Variants in MACROD2 observed in about 807,000 individuals in gnomAD.
MACROD2 encodes mono-ADP ribosylhydrolase 2.
A neutral mutation model predicts 70.4 loss-of-function variants in MACROD2; 36 were observed. The ratio of observed to expected loss-of-function variants is 0.51; its 90% CI spans 0.39 to 0.68. The LOEUF (loss-of-function observed/expected upper bound fraction) is 0.68. MACROD2 is among the 30% of genes least tolerant of loss of function. The probability of loss-of-function intolerance (pLI) is 0.00; values close to 1 mark genes in which losing one functional copy is unlikely to be tolerated. For missense variants in MACROD2, 496 were observed against 538.4 expected (o/e 0.92, Z 0.78); for synonymous variants, 172 against 178.8 (o/e 0.96, Z 0.30).
chr20:15,170,075 T>C (rs933516556), intron 5 of MACROD2, among the ~76,000 whole-genome samples: 1 of 152,236 alleles, frequency 6.6e-6, no homozygotes, highest in African/African-American at 2.4e-5. Context: ...CAGTAGTTAA[T>C]AGAATTGGAA....
chr20:14,923,400 A>T (rs2074187538), intron 5 of MACROD2, among the ~76,000 whole-genome samples: 1 of 152,176 alleles, frequency 6.6e-6, no homozygotes, highest in South Asian at 2.1e-4. Context: ...GATTTCTAGT[A>T]AACATCTAAA....
intron 3 of MACROD2, among the ~76,000 whole-genome samples, chr20:14,433,332 T>C (rs2084017300): frequency 6.6e-6 from 1 of 152,160 alleles, no homozygotes; most frequent in African/African-American, 2.4e-5. Flanking sequence ...AATAGGAATG[T>C]TTCAGATGAT....
intron 8 of MACROD2, among the ~76,000 whole-genome samples, chr20:15,529,677 G>A (rs994425047): frequency 2.6e-5 from 4 of 152,128 alleles, no homozygotes; most frequent in African/African-American, 9.7e-5. Context: ...TTACGTATAT[G>A]TTGTATAACC....
At chr20:15,204,836 A>G (rs2076687795) in intron 5 of MACROD2, among the ~76,000 whole-genome samples, 1 of 152,144 alleles carries the variant, frequency 6.6e-6, no homozygotes, top group African/African-American at 2.4e-5. Flanking sequence ...AAAGAAAGAA[A>G]AAGATTCCAC....
At position 15,708,667 on chromosome 20, in the gene MACROD2, G is replaced by A. The variant is rs993688060; in HGVS notation, c.646-154078G>A. ...GCAGTAGGATTGCTTAAGGCCAGGAGTTCAAGACCAGTCTGGGCACAATAT... is the reference window on the plus strand; with the variant it reads ...GCAGTAGGATTGCTTAAGGCCAGGAATTCAAGACCAGTCTGGGCACAATAT... On this transcript the variant is annotated intron_variant, in intron 8 of 17. Transcript: ENST00000684519. 3.0e-4 allele frequency among the ~76,000 whole-genome samples: 43 copies of A among 141,020 alleles called. 1 individual carries two copies. Among genetic ancestry groups the A allele is most frequent in the Admixed American group, 2.7e-3 (38 of 14,130 alleles). The allele number at this position is 141,020 out of a possible 152,430, so 92.5% of individuals were successfully genotyped here. A position where few individuals can be genotyped will look rare whatever the true frequency, so the allele number is the denominator to read the frequency against.
At chr20:14,992,423 A>G (rs556166691) in intron 5 of MACROD2, among the ~76,000 whole-genome samples, 1 of 152,184 alleles carries the variant, frequency 6.6e-6, no homozygotes, top group African/African-American at 2.4e-5. Context: ...ACAAAAACTC[A>G]GTTGCTTTGA....
intron 6 of MACROD2, among the ~76,000 whole-genome samples, chr20:15,358,256 C>T (rs1382780592): frequency 6.6e-6 from 1 of 152,126 alleles, no homozygotes; most frequent in Non-Finnish European, 1.5e-5. Context: ...TATATTTACA[C>T]GGCTCTAATC....
At chr20:14,766,803 C>T (rs139987765) in intron 5 of MACROD2, among the ~76,000 whole-genome samples, 41 of 152,190 alleles carry the variant, frequency 2.7e-4, no homozygotes, top group Middle Eastern at 6.8e-3. Flanking sequence ...CAGTAATCAA[C>T]GCAAAAGAAG....
intron 5 of MACROD2, among the ~76,000 whole-genome samples, chr20:14,873,596 C>T (rs1409567020): frequency 1.3e-5 from 2 of 152,140 alleles, no homozygotes. Context: ...GGTGCAATGG[C>T]TCACACCTGT....
At chr20:14,149,957 T>G (rs1047614515) in intron 3 of MACROD2, among the ~76,000 whole-genome samples, 1 of 152,174 alleles carries the variant, frequency 6.6e-6, no homozygotes, top group Non-Finnish European at 1.5e-5. Context: ...CTCCTTACAT[T>G]GTATTTCTGT....
intron 15 of MACROD2, among the ~76,000 whole-genome samples, chr20:16,035,788 A>G (rs60319974): frequency 0.74 from 112,418 of 151,862 alleles, 43,377 homozygotes; most frequent in Non-Finnish European, 0.84. Context: ...ATCCATCCAC[A>G]TGAGCTGAGT....
chr20:15,960,787 G>T, intron 12 of MACROD2, among the ~76,000 whole-genome samples: 1 of 152,208 alleles, frequency 6.6e-6, no homozygotes, highest in South Asian at 2.1e-4. Context: ...CAGGACAAGA[G>T]TGCCCTCTGT....
At chr20:15,666,451 C>T (rs2049899206) in intron 8 of MACROD2, among the ~76,000 whole-genome samples, 1 of 152,126 alleles carries the variant, frequency 6.6e-6, no homozygotes, top group Non-Finnish European at 1.5e-5. Context: ...AACAAAGACT[C>T]ATTTTCTCCC....
At chr20:14,454,299 T>C (rs1360407081) in intron 3 of MACROD2, among the ~76,000 whole-genome samples, 1 of 152,060 alleles carries the variant, frequency 6.6e-6, no homozygotes, top group African/African-American at 2.4e-5. Flanking sequence ...GTAATTTTCA[T>C]AGTAAATATA....
chr20:14,927,844 A>G (rs1173852753), intron 5 of MACROD2, among the ~76,000 whole-genome samples: 1 of 152,176 alleles, frequency 6.6e-6, no homozygotes, highest in Admixed American at 6.5e-5. Flanking sequence ...AAAAACAACA[A>G]CGACAAAAAC....
intron 8 of MACROD2, among the ~76,000 whole-genome samples, chr20:15,729,601 G>A (rs888407986): frequency 6.6e-6 from 1 of 152,076 alleles, no homozygotes; most frequent in African/African-American, 2.4e-5. Flanking sequence ...AGGATATTAG[G>A]TATTCTAGTT....
intron 3 of MACROD2, among the ~76,000 whole-genome samples, chr20:14,354,612 A>G (rs2122703471): frequency 1.3e-5 from 2 of 152,110 alleles, no homozygotes; most frequent in South Asian, 4.2e-4. Context: ...GTCTTTTTCA[A>G]CTTTTATTTT....
intron 8 of MACROD2, among the ~76,000 whole-genome samples, chr20:15,516,083 G>A (rs1435055949): frequency 1.3e-5 from 2 of 152,138 alleles, no homozygotes; most frequent in Non-Finnish European, 2.9e-5. Flanking sequence ...AGGCTTGTGT[G>A]ATTTTAAACA....
intron 3 of MACROD2, among the ~76,000 whole-genome samples, chr20:14,411,141 A>T (rs954210919): frequency 1.1e-4 from 17 of 151,920 alleles, no homozygotes; most frequent in African/African-American, 4.1e-4. Context: ...CAGGACCCTT[A>T]TTTGAGAAAA....
Sources: gnomAD v4.1 joint callset for allele counts (sites outside exome capture counted in the v4.1 genomes callset) on GRCh38, gnomAD v4.1.1 for gene constraint, MANE v1.5 for transcripts, NCBI Gene and HGNC (gene_info 2026-07-23, HGNC 2026-07-21) for gene names.